LOXL2: variants seen among roughly 807,000 people sequenced by gnomAD.
LOXL2 encodes the protein lysyl oxidase homolog 2.
Under a neutral mutation model 93.0 loss-of-function variants are expected in LOXL2, and 70 were observed. The ratio of observed to expected loss-of-function variants is 0.75; its 90% CI spans 0.62 to 0.92. The LOEUF (loss-of-function observed/expected upper bound fraction) is 0.92. Ranked by LOEUF, LOXL2 falls within the 40% of genes least tolerant of loss-of-function variation. LOXL2 has a pLI of 0.00. For synonymous variants in LOXL2, 438 were observed against 413.2 expected, an observed-to-expected ratio of 1.06 and a Z score of -0.73; for missense variants, 973 against 1,054.9, an observed-to-expected ratio of 0.92 and a Z score of 1.08.
At chr8:23,358,194 C>G (rs898751883) in intron 3 of LOXL2, among the ~76,000 whole-genome samples, 1 of 152,156 alleles carries the variant, frequency 6.6e-6, no homozygotes, top group Non-Finnish European at 1.5e-5. Flanking sequence ...TGAAGACTGA[C>G]GAAAGTATAT....
intron 8 of LOXL2, among the ~76,000 whole-genome samples, chr8:23,319,206 A>G (rs1453050394): frequency 7.0e-6 from 1 of 143,148 alleles, no homozygotes; most frequent in African/African-American, 2.6e-5. Flanking sequence ...GCCTCAGACC[A>G]TTACACAGCC....
At chr8:23,323,921 C>T (rs967334060) in intron 6 of LOXL2, among the ~76,000 whole-genome samples, 5 of 152,244 alleles carry the variant, frequency 3.3e-5, no homozygotes, top group East Asian at 3.9e-4. Flanking sequence ...AGGATGGTCT[C>T]GATCTCTTGA....
chr8:23,341,120 G>A lies in LOXL2; in HGVS notation c.615C>T (p.Tyr205=), dbSNP rs1301395599. The A allele has an allele frequency of 2.5e-6, 4 of 1,613,974 alleles. No homozygotes were observed. Among genetic ancestry groups the A allele is most frequent in the East Asian group, 2.2e-5 (1 of 44,872 alleles). ...AGGTCTTGCCCTCCTTCACCTCCAC[G>A]TAGCCCTCCATCACTGGGGTGCGCT... ...YRKRTPVMEG[Y]VEVKEGKTWK... Residue 205 remains tyrosine (Y), a synonymous_variant, in exon 4 of 14, where the codon TAC becomes TAT. Coordinates refer to ENST00000389131, the MANE Select transcript of LOXL2 (RefSeq NM_002318.3).
Position 23,370,218 on chromosome 8 carries a change from T to C in LOXL2, c.-83-1784A>G, listed in dbSNP as rs1444348816. On this transcript the variant is annotated intron_variant, in intron 1 of 13. Transcript: ENST00000389131. ...CATATCAGCCTATACCAGCTTCAGC[T>C]TTTGACACCTAGAACAACGCGCCTC... Among the ~76,000 whole-genome samples, 8 of 152,268 alleles carry C rather than the reference T, an allele frequency of 5.3e-5. No individual in the cohort carries two copies. In the East Asian group the frequency reaches 1.4e-3, roughly 26 times the overall value.
In LOXL2 at chr8:23,301,925, C is replaced by A. The variant is rs1402056509; in HGVS notation, c.2133+102G>T. On this transcript the variant is annotated intron_variant, in intron 12 of 13. Transcript: ENST00000389131. Reference sequence around the variant, plus strand: ...GGTAGCACCTTGCCCTTTAGACAGCCTGACTTCCATGCCCCTGTGTGGACA... The same window carrying A: ...GGTAGCACCTTGCCCTTTAGACAGCATGACTTCCATGCCCCTGTGTGGACA... 4 of 1,453,282 alleles carry A rather than the reference C, an allele frequency of 2.8e-6. No individual in the cohort carries two copies. In the African/African-American group the frequency reaches 4.2e-5, roughly 15 times the overall value. 90.0% of individuals were successfully genotyped at this position (1,453,282 alleles called of 1,614,324 possible).
At chr8:23,391,984 G>A (rs796270180) in intron 1 of LOXL2, among the ~76,000 whole-genome samples, 9 of 152,284 alleles carry the variant, frequency 5.9e-5, no homozygotes, top group African/African-American at 2.2e-4. Flanking sequence ...TGCTTAGCTT[G>A]TCACATGCCT....
At chr8:23,363,101 C>T (rs1563202453) in intron 2 of LOXL2, 2 of 152,244 alleles carry the variant, frequency 1.3e-5, no homozygotes, top group African/African-American at 4.8e-5. Context: ...CGCTTTCAAC[C>T]TCCCTTTCCC....
intron 1 of LOXL2, among the ~76,000 whole-genome samples, chr8:23,396,881 T>C (rs987441590): frequency 2.0e-5 from 3 of 152,244 alleles, no homozygotes; most frequent in African/African-American, 7.2e-5. Flanking sequence ...TTGTAAAAGT[T>C]CATCCATAAC....
At chr8:23,386,171 T>C (rs1284114899) in intron 1 of LOXL2, 1 of 642,138 alleles carries the variant, frequency 1.6e-6, no homozygotes, top group African/African-American at 1.8e-5. Flanking sequence ...TATTCACTAA[T>C]TGTTGAGGTC....
intron 7 of LOXL2, among the ~76,000 whole-genome samples, chr8:23,320,650 G>A (rs1275591024): frequency 2.6e-5 from 4 of 152,210 alleles, no homozygotes; most frequent in African/African-American, 9.7e-5. Flanking sequence ...GCTCATGCCT[G>A]TAATCCCAGC....
chr8:23,335,694 G>A (rs1803777829), intron 4 of LOXL2, among the ~76,000 whole-genome samples: 1 of 152,146 alleles, frequency 6.6e-6, no homozygotes, highest in South Asian at 2.1e-4. Context: ...GCCAGAAGGA[G>A]CCAGCAGAGG....
chr8:23,300,372 G>A (rs565905544), intron 12 of LOXL2, among the ~76,000 whole-genome samples: 124 of 152,326 alleles, frequency 8.1e-4, no homozygotes, highest in Non-Finnish European at 1.4e-3. Flanking sequence ...CGGATAAAGC[G>A]GGGCCACCAG....
chr8:23,381,014 AAAC>A (rs1288236219), intron 1 of LOXL2, among the ~76,000 whole-genome samples: 1 of 152,160 alleles, frequency 6.6e-6, no homozygotes, highest in African/African-American at 2.4e-5. Context: ...CAGAAAAATA[AAAC>A]AAAAGGAAGA....
intron 3 of LOXL2, among the ~76,000 whole-genome samples, chr8:23,352,636 G>T (rs1804113395): frequency 6.6e-6 from 1 of 152,026 alleles, no homozygotes; most frequent in African/African-American, 2.4e-5. Context: ...ATAAAAACCT[G>T]GACCCAAGGC....
chr8:23,356,182 G>A (rs1007856727), intron 3 of LOXL2, among the ~76,000 whole-genome samples: 4 of 152,220 alleles, frequency 2.6e-5, no homozygotes, highest in South Asian at 4.1e-4. Flanking sequence ...TGGGGAGGCC[G>A]GAACAGAGCC....
intron 1 of LOXL2, among the ~76,000 whole-genome samples, 161 bp from the exon 2 acceptor site, chr8:23,368,595 G>T (rs797007566): frequency 3.3e-5 from 5 of 152,330 alleles, no homozygotes; most frequent in African/African-American, 1.2e-4. Flanking sequence ...GGGCTGGGAG[G>T]TCCCACCTCC....
intron 3 of LOXL2, among the ~76,000 whole-genome samples, chr8:23,342,148 C>T (rs145307654): frequency 0.013 from 2,048 of 152,282 alleles, 22 homozygotes; most frequent in Middle Eastern, 0.031. Context: ...CGACGTGGAG[C>T]TGAAATATCC....
chr8:23,334,227 C>T (rs553828437), intron 4 of LOXL2, among the ~76,000 whole-genome samples: 19 of 152,128 alleles, frequency 1.2e-4, no homozygotes, highest in Non-Finnish European at 2.1e-4. Context: ...TTAGTAGAGA[C>T]GGGGTTTCGC....
At chr8:23,332,403 TACAC>T (rs1803703100) in intron 5 of LOXL2, among the ~76,000 whole-genome samples, 1 of 84,870 alleles carries the variant, frequency 1.2e-5, no homozygotes, top group South Asian at 4.5e-4. Flanking sequence ...CACACACTCA[TACAC>T]ACACCGCCAC....
Sources: allele counts gnomAD v4.1 joint callset (sites outside exome capture counted in the v4.1 genomes callset), GRCh38; gene constraint gnomAD v4.1.1; transcripts MANE v1.5; gene names NCBI Gene and HGNC (gene_info 2026-07-23, HGNC 2026-07-21).